SULT4A1: variants seen among roughly 807,000 people sequenced by gnomAD.
SULT4A1 encodes sulfotransferase family 4A member 1, also known as sulfotransferase 4A1.
In SULT4A1, 11 loss-of-function variants were observed where a neutral mutation model predicts 35.2. That is an observed-to-expected ratio of 0.31 (90% CI 0.20 to 0.52). SULT4A1 has a LOEUF of 0.52. Among genes scored for constraint, SULT4A1 ranks in the 20% least tolerant of loss-of-function variants. SULT4A1 has a pLI of 0.97. For synonymous variants in SULT4A1, 152 were observed against 151.8 expected (o/e 1.00, Z -0.01); for missense variants, 271 against 383.7 (o/e 0.71, Z 2.45).
chr22:43,842,023 G>C, intron 1 of SULT4A1, 91 bp from the exon 2 acceptor site: 3 of 1,502,230 alleles, frequency 2.0e-6, no homozygotes, highest in Non-Finnish European at 2.7e-6. Flanking sequence ...CCAAGAAGGG[G>C]CTCAAGAGCC....
rs776336548 is a variant in SULT4A1, at chr22:43,841,814, C to T, written c.288G>A (p.Leu96=). The change falls in exon 2 of 7, where the codon CTG becomes CTA. Residue 96 remains leucine, a synonymous_variant. Coordinates refer to ENST00000330884, the MANE Select transcript of SULT4A1 (RefSeq NM_014351.4). ...TGGCCCTGGGTACCTTGATGATGTC[C>T]AGGCCCGGCTGTGGGTACTCCAGGA... ...LPVLEYPQPG[L]DIIKELTSPR... is the part of the protein sequence containing the mutation. 6.2e-7 allele frequency: 1 copy of T among 1,613,534 alleles called. No individual in the cohort carries two copies. The highest frequency in any genetic ancestry group is 2.2e-5 in the East Asian group (1 of 44,872).
intron 1 of SULT4A1, among the ~76,000 whole-genome samples, chr22:43,847,952 G>A (rs915084538): frequency 6.6e-6 from 1 of 152,210 alleles, no homozygotes; most frequent in African/African-American, 2.4e-5. Flanking sequence ...TCCCAAAGTC[G>A]AGGTGTGGGC....
intron 1 of SULT4A1, among the ~76,000 whole-genome samples, chr22:43,848,481 A>G (rs916939119): frequency 3.9e-5 from 6 of 152,210 alleles, no homozygotes; most frequent in African/African-American, 1.4e-4. Context: ...AGCAATGCCC[A>G]CAGCCAACCC....
rs181538802 is a variant in SULT4A1, at chr22:43,859,673, A to G, written c.169+2541T>C. ...GGTCATCAACAGAAAGGTCCTTCTCAGAAGACACAATGGGCTCCTACTGTC... is the reference window on the plus strand; with the variant it reads ...GGTCATCAACAGAAAGGTCCTTCTCGGAAGACACAATGGGCTCCTACTGTC... On this transcript the variant is annotated intron_variant, in intron 1 of 6. Transcript: ENST00000330884. 1.6e-4 allele frequency among the ~76,000 whole-genome samples: 24 copies of G among 152,358 alleles called. No individual in the cohort carries two copies. The East Asian group carries it at 4.2e-3, about 27-fold the overall frequency.
chr22:43,839,597 A>C (rs926814883), intron 3 of SULT4A1, among the ~76,000 whole-genome samples: 12 of 152,152 alleles, frequency 7.9e-5, no homozygotes, highest in Non-Finnish European at 1.8e-4. Context: ...CAAAAACAAA[A>C]AAACAAACAA....
In SULT4A1 at chr22:43,862,248, G is replaced by A. The variant is rs753547205; in HGVS notation, c.135C>T (p.Pro45=). Residue 45 remains proline (P), a synonymous_variant, in exon 1 of 7, where the codon CCC becomes CCT. Transcript: ENST00000330884. ...MEEIANFPVR[P]SDVWIVTYPK... ...GGTAGGTGACGATCCACACGTCGCT[G>A]GGCCGCACCGGGAAGTTGGCGATCT... is the stretch of plus-strand genomic sequence containing the variant. The A allele has an allele frequency of 1.9e-6, 3 of 1,568,566 alleles. No homozygotes were observed. The highest frequency in any genetic ancestry group is 2.6e-6 in the Non-Finnish European group (3 of 1,156,752).
intron 4 of SULT4A1, 142 bp downstream of exon 4, chr22:43,838,725 A>G: frequency 9.0e-7 from 1 of 1,114,378 alleles, no homozygotes; most frequent in Non-Finnish European, 1.3e-6. Flanking sequence ...CAGTGTCTTC[A>G]TCTGTAAAGT....
chr22:43,852,761 G>A (rs562491658), intron 1 of SULT4A1, among the ~76,000 whole-genome samples: 5 of 150,414 alleles, frequency 3.3e-5, no homozygotes, highest in African/African-American at 7.4e-5. Flanking sequence ...CTGGTCACCC[G>A]GCTGGCAACT....
Position 43,824,777 on chromosome 22 carries a change from C to G in SULT4A1, c.*1224G>C, listed in dbSNP as rs1275967642. ...AATACAGCACCAAGAACGGAGACCC[C>G]TTCCACAGCAGCGACCCTCCTGACC... On this transcript the variant is annotated 3_prime_UTR_variant, in exon 7 of 7. Transcript: ENST00000330884. 1 of 152,196 alleles carries G rather than the reference C, an allele frequency of 6.6e-6. No individual in the cohort carries two copies. The highest frequency in any genetic ancestry group is 1.5e-5 in the Non-Finnish European group (1 of 68,028). 9.4% of individuals were successfully genotyped at this position (152,196 alleles called of 1,614,324 possible). A position where few individuals can be genotyped will look rare whatever the true frequency, so the allele number is the denominator to read the frequency against.
At chr22:43,826,301 C>A in intron 6 of SULT4A1, 188 bp from the exon 7 acceptor site, 4 of 985,414 alleles carry the variant, frequency 4.1e-6, no homozygotes, top group Non-Finnish European at 4.8e-6. Flanking sequence ...TGTGAAACTA[C>A]TGGATGCGGC....
chr22:43,856,985 C>T (rs1482174499), intron 1 of SULT4A1, among the ~76,000 whole-genome samples: 1 of 152,050 alleles, frequency 6.6e-6, no homozygotes, highest in Non-Finnish European at 1.5e-5. Context: ...AAGCAATCAA[C>T]AGAATTAGAC....
chr22:43,844,290 G>A (rs1280054520), intron 1 of SULT4A1, among the ~76,000 whole-genome samples: 1 of 152,220 alleles, frequency 6.6e-6, no homozygotes, highest in African/African-American at 2.4e-5. Flanking sequence ...TGTGGCCAAC[G>A]GGAAGAGCCT....
At chr22:43,856,283 G>A (rs1409624007) in intron 1 of SULT4A1, among the ~76,000 whole-genome samples, 1 of 152,196 alleles carries the variant, frequency 6.6e-6, no homozygotes, top group Non-Finnish European at 1.5e-5. Flanking sequence ...CAATGTGGCT[G>A]GAGATGGGCA....
Position 43,827,263 on chromosome 22 carries a change from C to T in SULT4A1, c.743-1150G>A, listed in dbSNP as rs2063293639. ...TCCGTTATTAACAGCGGTCCTTGTC[C>T]AGGCAGGACCTCAGGTTTTTCAAAC... On this transcript the variant is annotated intron_variant, in intron 6 of 6. Coordinates refer to ENST00000330884, the MANE Select transcript of SULT4A1 (RefSeq NM_014351.4). The T allele has an allele frequency of 4.1e-6, 4 of 985,266 alleles. No homozygotes were observed. In the South Asian group the frequency reaches 1.4e-4, roughly 35 times the overall value. The allele number at this position is 985,266 out of a possible 1,614,324, so 61.0% of individuals were successfully genotyped here.
chr22:43,858,354 T>G (rs2049427091), intron 1 of SULT4A1, among the ~76,000 whole-genome samples: 1 of 152,064 alleles, frequency 6.6e-6, no homozygotes, highest in South Asian at 2.1e-4. Flanking sequence ...GGCTTTTGCC[T>G]CCCAGCCCGG....
In SULT4A1 at chr22:43,838,812, G is replaced by A. The variant is rs373101216; in HGVS notation, c.508+55C>T. 2.6e-5 allele frequency: 42 copies of A among 1,607,126 alleles called. No individual in the cohort carries two copies. In the African/African-American group the frequency reaches 3.1e-4, roughly 12 times the overall value. On this transcript the variant is annotated intron_variant, in intron 4 of 6. Transcript: ENST00000330884. ...GGAAGCACCCAGCACCTGCCAGGCC[G>A]TCCACGACAACAGACGGCTCCGGTT... is the stretch of plus-strand genomic sequence containing the variant.
At chr22:43,851,669 G>A (rs1411022969) in intron 1 of SULT4A1, among the ~76,000 whole-genome samples, 3 of 152,164 alleles carry the variant, frequency 2.0e-5, no homozygotes, top group African/African-American at 7.2e-5. Context: ...GGAGAGGAGG[G>A]GCTGGTAATC....
Position 43,841,820 on chromosome 22 carries a change from C to T in SULT4A1, c.282G>A (p.Pro94=), listed in dbSNP as rs200810567. Residue 94 remains proline, a synonymous_variant, in exon 2 of 7, where the codon CCG becomes CCA. Coordinates refer to ENST00000330884, the MANE Select transcript of SULT4A1 (RefSeq NM_014351.4). The part of the protein sequence containing the change: ...EQLPVLEYPQ[P]GLDIIKELTS... ...TGGGTACCTTGATGATGTCCAGGCC[C>T]GGCTGTGGGTACTCCAGGACCGGGA... The T allele has an allele frequency of 8.6e-5, 138 of 1,613,668 alleles. No homozygotes were observed. Among genetic ancestry groups the T allele is most frequent in the South Asian group, 1.9e-4 (17 of 91,070 alleles).
chr22:43,831,289 G>A (rs974235118), intron 5 of SULT4A1, among the ~76,000 whole-genome samples: 5 of 109,056 alleles, frequency 4.6e-5, no homozygotes, highest in African/African-American at 1.1e-4. Context: ...CTGCTGACCC[G>A]GCAGCTGCCC....
Sources: allele counts gnomAD v4.1 joint callset (sites outside exome capture counted in the v4.1 genomes callset), GRCh38; gene constraint gnomAD v4.1.1; transcripts MANE v1.5; gene names NCBI Gene and HGNC (gene_info 2026-07-23, HGNC 2026-07-21).